The following IFT52 variants were observed in gnomAD, a reference collection of about 807,000 sequenced individuals.
IFT52 encodes the protein intraflagellar transport protein 52 homolog.
A neutral mutation model predicts 54.4 loss-of-function variants in IFT52; 44 were observed. The observed-to-expected ratio is 0.81, with a 90% confidence interval of 0.63 to 1.04. IFT52 has a LOEUF of 1.04. Among genes scored for constraint, IFT52 ranks in the 50% least tolerant of loss-of-function variants. IFT52 has a pLI of 0.00. For synonymous variants in IFT52, 181 were observed against 185.3 expected (o/e 0.98, Z 0.19); for missense variants, 452 against 523.6 (o/e 0.86, Z 1.33).
chr20:43,604,126 A>T, intron 4 of IFT52, 57 bp from the exon 5 acceptor site: 1 of 1,401,956 alleles, frequency 7.1e-7, no homozygotes, highest in Non-Finnish European at 1.0e-6. Flanking sequence ...GTATGAGTCT[A>T]TAATATCGAA....
chr20:43,598,926 A>G (rs1982211652), intron 3 of IFT52, among the ~76,000 whole-genome samples: 1 of 152,120 alleles, frequency 6.6e-6, no homozygotes. Flanking sequence ...AGGCAGGCCA[A>G]GGTCTCCTGC....
rs529766418 is a variant in IFT52, at chr20:43,628,556, A to G, written c.923+4511A>G. 1.5e-3 allele frequency among the ~76,000 whole-genome samples: 229 copies of G among 152,304 alleles called. 1 individual carries two copies. The highest frequency in any genetic ancestry group is 6.8e-3 in the Middle Eastern group (2 of 294). Reference sequence around the variant, plus strand: ...GAAATAGGAAACAAGATCATCAGTTAAAAATTACCAAAGAAGCCGGACATG... The same window carrying G: ...GAAATAGGAAACAAGATCATCAGTTGAAAATTACCAAAGAAGCCGGACATG... On this transcript the variant is annotated intron_variant, in intron 10 of 13. Coordinates refer to ENST00000373030, the MANE Select transcript of IFT52 (RefSeq NM_016004.5).
intron 7 of IFT52, 95 bp from the exon 8 acceptor site, chr20:43,618,845 C>A: frequency 1.3e-6 from 1 of 793,378 alleles, no homozygotes; most frequent in Non-Finnish European, 2.1e-6. Flanking sequence ...GTATATAAGA[C>A]AGTTGCTAGC....
At chr20:43,593,569 G>A (rs1235433177) in intron 1 of IFT52, among the ~76,000 whole-genome samples, 1 of 150,696 alleles carries the variant, frequency 6.6e-6, no homozygotes, top group Non-Finnish European at 1.5e-5. Context: ...AGCTGTTTTT[G>A]TTGTTGTTGT....
At chr20:43,591,720 T>G (rs994830869) in intron 1 of IFT52, among the ~76,000 whole-genome samples, 6 of 152,112 alleles carry the variant, frequency 3.9e-5, no homozygotes, top group Non-Finnish European at 7.3e-5. Context: ...CACCAGATAT[T>G]ATAACATAAA....
chr20:43,598,871 A>G (rs4810387), intron 3 of IFT52, among the ~76,000 whole-genome samples: 114,731 of 151,886 alleles, frequency 0.76, 43,796 homozygotes, highest in Non-Finnish European at 0.8. Context: ...AATATGGGGA[A>G]TAGAGAGGTT....
chr20:43,603,827 A>G lies in IFT52; in HGVS notation c.275A>G (p.Glu92Gly). The G allele has an allele frequency of 6.3e-7, 1 of 1,589,246 alleles. No homozygotes were observed. Among genetic ancestry groups the G allele is most frequent in the South Asian group, 1.1e-5 (1 of 89,518 alleles). The change falls in exon 4 of 14, where the codon GAA (glutamate) becomes GGA (glycine). Residue 92 changes from glutamate to glycine, a missense_variant. Transcript: ENST00000373030. ...DVFVMLGEGG[E>G]SRFDTNINFL... ...TTTGTGATGCTAGGAGAAGGTGGAG[A>G]ATCCAGATTTGACACCAATATTAAC...
intron 8 of IFT52, 33 bp downstream of exon 8, chr20:43,619,059 A>G: frequency 1.5e-6 from 2 of 1,366,478 alleles, no homozygotes; most frequent in Non-Finnish European, 2.1e-6. Context: ...TTAATATACA[A>G]TGTGTATTAT....
chr20:43,607,578 C>G (rs1236904961), intron 6 of IFT52, among the ~76,000 whole-genome samples: 1 of 146,034 alleles, frequency 6.8e-6, no homozygotes, highest in South Asian at 2.3e-4. Flanking sequence ...GATGGGCGGC[C>G]GGGCAGAGAT....
intron 10 of IFT52, among the ~76,000 whole-genome samples, chr20:43,630,642 A>G (rs1985092135): frequency 6.6e-6 from 1 of 152,190 alleles, no homozygotes; most frequent in Non-Finnish European, 1.5e-5. Context: ...GTAGAGGCAG[A>G]TGGTGTGGAG....
At chr20:43,620,731 C>A in intron 8 of IFT52, 126 bp from the exon 9 acceptor site, 2 of 682,690 alleles carry the variant, frequency 2.9e-6, no homozygotes, top group Non-Finnish European at 2.5e-6. Context: ...GCTGGCTACC[C>A]TTTTCTGAAT....
intron 10 of IFT52, 74 bp from the exon 11 acceptor site, chr20:43,635,852 A>C: frequency 7.5e-7 from 1 of 1,340,510 alleles, no homozygotes; most frequent in Middle Eastern, 1.8e-4. Flanking sequence ...ATGGAGAACA[A>C]CACAGTGTGG....
At chr20:43,645,489 A>G (rs1258907545) in intron 13 of IFT52, among the ~76,000 whole-genome samples, 1 of 56,574 alleles carries the variant, frequency 1.8e-5, no homozygotes, top group Non-Finnish European at 4.2e-5. Context: ...CCCGGGAGGC[A>G]GAGCTTGCAG....
chr20:43,620,635 G>A (rs1438538855), intron 8 of IFT52, among the ~76,000 whole-genome samples: 1 of 152,192 alleles, frequency 6.6e-6, no homozygotes, highest in East Asian at 1.9e-4. Flanking sequence ...TAACCAGGGC[G>A]ACGGAGCGAG....
chr20:43,638,989 A>G (rs1230309745), intron 12 of IFT52, among the ~76,000 whole-genome samples: 3 of 152,204 alleles, frequency 2.0e-5, no homozygotes, highest in Non-Finnish European at 2.9e-5. Context: ...TGGGCAGTCA[A>G]AAATGAGCAG....
Position 43,642,598 on chromosome 20 carries a change from G to A in IFT52, c.1240G>A (p.Val414Met), listed in dbSNP as rs1338529096. 1 of 1,614,176 alleles carries A rather than the reference G, an allele frequency of 6.2e-7. No homozygotes were observed. Among genetic ancestry groups the A allele is most frequent in the Non-Finnish European group, 8.5e-7 (1 of 1,180,024 alleles). ...KHILEHVFFQ[V>M]VEFKKLNQEH... The stretch of plus-strand genomic sequence containing the variant: ...TATCCTTGAGCACGTCTTCTTCCAA[G>A]TGGTGGAGTTCAAGAAATTGAACCA... The change falls in exon 13 of 14, where the codon GTG becomes ATG. Residue 414 changes from valine (V) to methionine (M), a missense_variant. Transcript: ENST00000373030.
rs1162744193 is a variant in IFT52, at chr20:43,635,901, C to G, written c.924-25C>G. 1.9e-6 allele frequency: 3 copies of G among 1,608,164 alleles called. No homozygotes were observed. In the African/African-American group the frequency reaches 4.0e-5, roughly 22 times the overall value. On this transcript the variant is annotated intron_variant, in intron 10 of 13. Coordinates refer to ENST00000373030, the MANE Select transcript of IFT52 (RefSeq NM_016004.5). ...CTGAGCTATAGTGTCTTGATCCCTG[C>G]TTTTTTGTTTGATTATGAACACAGG... is the stretch of plus-strand genomic sequence containing the variant.
At position 43,647,051 on chromosome 20, in the gene IFT52, T is replaced by A; in HGVS notation, c.*68T>A. 1 of 1,366,272 alleles carries A rather than the reference T, an allele frequency of 7.3e-7. No individual in the cohort carries two copies. The highest frequency in any genetic ancestry group is 1.0e-6 in the Non-Finnish European group (1 of 955,418). The allele number at this position is 1,366,272 out of a possible 1,614,324, so 84.6% of individuals were successfully genotyped here. A position where few individuals can be genotyped will look rare whatever the true frequency, so the allele number is the denominator to read the frequency against. ...TTTGTAAACTATTTTCAAATTGTTT[T>A]TCAACTCCTTATCAAAATTGTTTAT... On this transcript the variant is annotated 3_prime_UTR_variant, in exon 14 of 14. Coordinates refer to ENST00000373030, the MANE Select transcript of IFT52 (RefSeq NM_016004.5).
chr20:43,639,799 T>C (rs1221138708), intron 12 of IFT52, among the ~76,000 whole-genome samples: 2 of 151,730 alleles, frequency 1.3e-5, no homozygotes, highest in African/African-American at 2.4e-5. Flanking sequence ...TGATACACCT[T>C]GCACTCCAGC....
Sources: allele counts gnomAD v4.1 joint callset (sites outside exome capture counted in the v4.1 genomes callset), GRCh38; gene constraint gnomAD v4.1.1; transcripts MANE v1.5; gene names NCBI Gene and HGNC (gene_info 2026-07-23, HGNC 2026-07-21).